The following CACNA1E variants were observed in gnomAD, a reference collection of about 807,000 sequenced individuals.
CACNA1E encodes the protein voltage-dependent R-type calcium channel subunit alpha-1E.
Under a neutral mutation model 259.2 loss-of-function variants are expected in CACNA1E, and 40 were observed. That is an observed-to-expected ratio of 0.15 (90% CI 0.12 to 0.20). The LOEUF (loss-of-function observed/expected upper bound fraction) is 0.20, where lower values mean the gene tolerates loss of function less well. Among genes scored for constraint, CACNA1E ranks in the 10% least tolerant of loss-of-function variants. The probability of loss-of-function intolerance (pLI) is 1.00; values close to 1 mark genes in which losing one functional copy is unlikely to be tolerated. For synonymous variants in CACNA1E, 1,104 were observed against 1,138.5 expected, an observed-to-expected ratio of 0.97 and a Z score of 0.61; for missense variants, 1,874 against 3,040.1, an observed-to-expected ratio of 0.62 and a Z score of 9.02.
intron 2 of CACNA1E, 131 bp from the exon 3 acceptor site, chr1:181,511,240 C>T (rs1003414735): frequency 2.3e-5 from 24 of 1,036,464 alleles, no homozygotes; most frequent in Middle Eastern, 3.2e-4. Context: ...GGTCCCTTAG[C>T]ACCCTTGCTT....
At chr1:181,529,189 G>T (rs1239188927) in intron 3 of CACNA1E, among the ~76,000 whole-genome samples, 1 of 152,230 alleles carries the variant, frequency 6.6e-6, no homozygotes, top group East Asian at 1.9e-4. Flanking sequence ...TACAGCTCAG[G>T]CTGTGGCTTC....
intron 2 of CACNA1E, among the ~76,000 whole-genome samples, chr1:181,472,732 C>G (rs561349873): frequency 6.6e-6 from 1 of 152,004 alleles, no homozygotes; most frequent in Non-Finnish European, 1.5e-5. Flanking sequence ...CGTGTGTGTG[C>G]GCGCGCACTT....
In CACNA1E at chr1:181,443,638, G is replaced by T. The variant is rs74127794; in HGVS notation, c.434+30058G>T. ...GCTATAAAGACACACAGGTTCTGAGGTGGCATGTCCTGCAGCAACTGTGTA... is the reference window on the plus strand; with the variant it reads ...GCTATAAAGACACACAGGTTCTGAGTTGGCATGTCCTGCAGCAACTGTGTA... On this transcript the variant is annotated intron_variant, in intron 2 of 11. Transcript: ENST00000524607. Among the ~76,000 whole-genome samples, 1,379 of 152,316 alleles carry T rather than the reference G, an allele frequency of 9.1e-3. 21 individuals carry two copies. The highest frequency in any genetic ancestry group is 0.032 in the African/African-American group (1,314 of 41,568).
chr1:181,340,888 G>T (rs1161697926), intron 1 of CACNA1E, among the ~76,000 whole-genome samples: 1 of 152,058 alleles, frequency 6.6e-6, no homozygotes, highest in Non-Finnish European at 1.5e-5. Context: ...TCTTACATTT[G>T]TCTACAAACT....
chr1:181,386,025 T>C (rs534390406), intron 1 of CACNA1E, among the ~76,000 whole-genome samples: 96 of 152,204 alleles, frequency 6.3e-4, no homozygotes, highest in Non-Finnish European at 1.2e-3. Context: ...ACTATGATGG[T>C]TGACAATCAA....
At chr1:181,397,797 C>T (rs1199764709) in intron 1 of CACNA1E, among the ~76,000 whole-genome samples, 1 of 152,208 alleles carries the variant, frequency 6.6e-6, no homozygotes, top group Non-Finnish European at 1.5e-5. Context: ...ACATGTAGCC[C>T]TTACCCTTCT....
chr1:181,599,374 A>G (rs1249281703), intron 6 of CACNA1E, among the ~76,000 whole-genome samples: 2 of 152,118 alleles, frequency 1.3e-5, no homozygotes, highest in African/African-American at 4.8e-5. Flanking sequence ...ATTGACGGGC[A>G]TTTAGGTTGA....
At position 181,798,133 on chromosome 1, in the gene CACNA1E, T is replaced by C. The variant is rs986832248; in HGVS notation, c.6400-159T>C. On this transcript the variant is annotated intron_variant, in intron 47 of 47. Coordinates refer to ENST00000367573, the MANE Select transcript of CACNA1E (RefSeq NM_001205293.3). The surrounding 1 kb of genome is among the most constrained non-coding windows in gnomAD (Gnocchi z 4.2). Reference sequence around the variant, plus strand: ...TAAATGTTCTTGACTCCTTAATCTCTTCAATCCCTTTTTCCCTGAGTGGAT... The same window carrying C: ...TAAATGTTCTTGACTCCTTAATCTCCTCAATCCCTTTTTCCCTGAGTGGAT... Among the ~76,000 whole-genome samples, 3 of 152,188 alleles carry C rather than the reference T, an allele frequency of 2.0e-5. No homozygotes were observed. Among genetic ancestry groups the C allele is most frequent in the Non-Finnish European group, 4.4e-5 (3 of 68,040 alleles).
intron 44 of CACNA1E, among the ~76,000 whole-genome samples, chr1:181,791,788 G>T (rs1285606633): frequency 6.6e-6 from 1 of 152,162 alleles, no homozygotes; most frequent in Non-Finnish European, 1.5e-5. Context: ...TTCATCTGTG[G>T]CTCTTCTCTC....
chr1:181,758,184 C>A lies in CACNA1E; in HGVS notation c.4494+73C>A. The A allele has an allele frequency of 7.6e-7, 1 of 1,315,920 alleles. No individual in the cohort carries two copies. Among genetic ancestry groups the A allele is most frequent in the Non-Finnish European group, 1.1e-6 (1 of 924,760 alleles). The allele number at this position is 1,315,920 out of a possible 1,614,324, so 81.5% of individuals were successfully genotyped here. ...CCTCCCAGGGCAAGTGGGAAGACACCCCAACATCCCAGCCCATCACTGCTT... is the reference window on the plus strand; with the variant it reads ...CCTCCCAGGGCAAGTGGGAAGACACACCAACATCCCAGCCCATCACTGCTT... On this transcript the variant is annotated intron_variant, in intron 31 of 47. Transcript: ENST00000367573. The surrounding 1 kb of genome is among the most constrained non-coding windows in gnomAD (Gnocchi z 4.2).
chr1:181,726,230 A>C (rs1230191065), intron 18 of CACNA1E, 68 bp downstream of exon 18: 8 of 1,126,418 alleles, frequency 7.1e-6, no homozygotes, highest in Admixed American at 5.8e-5. Context: ...CAACTCACAG[A>C]ACTATTGGTT....
At chr1:181,374,667 A>G (rs1179448501) in intron 1 of CACNA1E, among the ~76,000 whole-genome samples, 1 of 152,010 alleles carries the variant, frequency 6.6e-6, no homozygotes. Context: ...GGGTCTTGCT[A>G]TGTTGCCCAG....
intron 7 of CACNA1E, among the ~76,000 whole-genome samples, chr1:181,702,905 T>G (rs1652416223): frequency 6.6e-6 from 1 of 152,236 alleles, no homozygotes; most frequent in Non-Finnish European, 1.5e-5. Flanking sequence ...TTATTATGCT[T>G]ATTTATCTTG....
intron 34 of CACNA1E, 21 bp downstream of exon 34, chr1:181,763,552 C>G (rs751094571): frequency 1.3e-6 from 2 of 1,540,898 alleles, no homozygotes; most frequent in Non-Finnish European, 8.8e-7. Flanking sequence ...CCAGCAAATC[C>G]TCTCTGAGGG....
Position 181,755,546 on chromosome 1 carries a change from T to C in CACNA1E, c.3989+149T>C, listed in dbSNP as rs74127849. The C allele has an allele frequency of 1.6e-3, 1,065 of 677,490 alleles. 7 individuals carry two copies. In the African/African-American group the frequency reaches 0.016, roughly 10 times the overall value. The allele number at this position is 677,490 out of a possible 1,614,324, so 42.0% of individuals were successfully genotyped here. On this transcript the variant is annotated intron_variant, in intron 28 of 47. Coordinates refer to ENST00000367573, the MANE Select transcript of CACNA1E (RefSeq NM_001205293.3). The stretch of plus-strand genomic sequence containing the variant: ...AAGACAAAATGGAATCAATAAACTT[T>C]TTACTGAGTGCCTCTTTTGTGTCAG...
intron 18 of CACNA1E, among the ~76,000 whole-genome samples, chr1:181,729,680 T>C (rs1655285296): frequency 6.6e-6 from 1 of 152,228 alleles, no homozygotes; most frequent in Non-Finnish European, 1.5e-5. Context: ...GACATGTGGA[T>C]GCTTCTCTGT....
chr1:181,369,622 C>T (rs773898022), intron 1 of CACNA1E, among the ~76,000 whole-genome samples: 1 of 152,130 alleles, frequency 6.6e-6, no homozygotes, highest in Non-Finnish European at 1.5e-5. Flanking sequence ...CCAAGGGGCT[C>T]CAGCTGCTCA....
intron 1 of CACNA1E, among the ~76,000 whole-genome samples, chr1:181,384,254 G>C (rs1655675423): frequency 6.6e-6 from 1 of 152,140 alleles, no homozygotes; most frequent in Non-Finnish European, 1.5e-5. Flanking sequence ...CATAAAGTGA[G>C]GGATACCTGC....
At chr1:181,754,828 A>G (rs1046186161) in intron 27 of CACNA1E, among the ~76,000 whole-genome samples, 1 of 152,254 alleles carries the variant, frequency 6.6e-6, no homozygotes, top group Non-Finnish European at 1.5e-5. Flanking sequence ...GAATCTAAGA[A>G]CGTCACCAAA....
Sources: gnomAD v4.1 joint callset for allele counts (sites outside exome capture counted in the v4.1 genomes callset) on GRCh38, gnomAD v4.1.1 for gene constraint, Gnocchi (gnomAD v3.1) non-coding constraint, MANE v1.5 for transcripts, NCBI Gene and HGNC (gene_info 2026-07-23, HGNC 2026-07-21) for gene names.